NISCH: variants seen among roughly 807,000 people sequenced by gnomAD.
The protein encoded by NISCH is I-1 receptor candidate protein.
In NISCH, 55 loss-of-function variants were observed where a neutral mutation model predicts 138.4. That is an observed-to-expected ratio of 0.40 (90% confidence interval 0.32 to 0.50). The LOEUF (loss-of-function observed/expected upper bound fraction) is 0.50. NISCH is among the 20% of genes least tolerant of loss of function. The pLI is 0.71. For synonymous variants in NISCH, 860 were observed against 861.5 expected (o/e 1.00, Z 0.03); for missense variants, 1,643 against 2,005.5 (o/e 0.82, Z 3.45).
chr3:52,486,924 G>A (rs139352902), intron 15 of NISCH, among the ~76,000 whole-genome samples: 99 of 152,326 alleles, frequency 6.5e-4, no homozygotes, highest in African/African-American at 2.2e-3. Flanking sequence ...GTGGGAACTC[G>A]TGTGGTCTGG....
intron 14 of NISCH, 92 bp from the exon 15 acceptor site, chr3:52,485,686 G>A (rs932713531): frequency 1.5e-5 from 21 of 1,407,954 alleles, no homozygotes; most frequent in Non-Finnish European, 1.8e-5. Context: ...CGGTGATGGA[G>A]GGCAGAATGC....
intron 1 of NISCH, among the ~76,000 whole-genome samples, chr3:52,456,815 G>A (rs1706486477): frequency 1.3e-5 from 2 of 152,236 alleles, no homozygotes. Flanking sequence ...GCTCCATGCT[G>A]CAGAGAGGAG....
chr3:52,465,659 C>T (rs527589636), intron 3 of NISCH, among the ~76,000 whole-genome samples: 1 of 152,292 alleles, frequency 6.6e-6, no homozygotes, highest in East Asian at 1.9e-4. Context: ...AAATGGAATC[C>T]CATCCGGAAT....
At chr3:52,481,694 TG>T in intron 13 of NISCH, 8 of 985,520 alleles carry the variant, frequency 8.1e-6, no homozygotes, top group Non-Finnish European at 9.6e-6. Flanking sequence ...GAGCAGGCCC[TG>T]GATGGGTGGG....
intron 7 of NISCH, among the ~76,000 whole-genome samples, chr3:52,474,652 G>A (rs1478250257): frequency 2.0e-5 from 3 of 150,850 alleles, no homozygotes; most frequent in Admixed American, 6.6e-5. Flanking sequence ...GGCTGATCTC[G>A]AACTCCTGAC....
intron 3 of NISCH, among the ~76,000 whole-genome samples, chr3:52,460,047 G>C (rs190388273): frequency 8.2e-4 from 125 of 151,622 alleles, no homozygotes; most frequent in Middle Eastern, 3.4e-3. Flanking sequence ...TGGGTATGGT[G>C]GCAGATGCCT....
At position 52,490,239 on chromosome 3, in the gene NISCH, C is replaced by G. The variant is rs1336591381; in HGVS notation, c.3613+8C>G. The G allele has an allele frequency of 2.5e-6, 4 of 1,611,342 alleles. No homozygotes were observed. Among genetic ancestry groups the G allele is most frequent in the Non-Finnish European group, 3.4e-6 (4 of 1,179,904 alleles). The stretch of plus-strand genomic sequence containing the variant: ...TCTCAGAGCCACTGCAGGGTAGGCA[C>G]AGGGCCTGCTGGGGCTCAGGAGCTT... On this transcript the variant is annotated splice_region_variant and intron_variant, in intron 18 of 20. Coordinates refer to ENST00000345716, the MANE Select transcript of NISCH (RefSeq NM_007184.4).
intron 20 of NISCH, 137 bp from the exon 21 acceptor site, chr3:52,491,735 C>G: frequency 8.1e-7 from 1 of 1,231,896 alleles, no homozygotes; most frequent in Non-Finnish European, 1.1e-6. Flanking sequence ...GGGCTCCTGG[C>G]CTGTGGGCCC....
At chr3:52,481,104 G>C in intron 13 of NISCH, 1 of 1,301,654 alleles carries the variant, frequency 7.7e-7, no homozygotes, top group Non-Finnish European at 9.7e-7. Flanking sequence ...CCCACCCCTT[G>C]ACCTGGTAAC....
chr3:52,475,041 A>ATGACTTAAGGTTCC (rs748272562), intron 7 of NISCH, among the ~76,000 whole-genome samples: 1 of 152,146 alleles, frequency 6.6e-6, no homozygotes, highest in Non-Finnish European at 1.5e-5. Flanking sequence ...GGCTAATATT[A>ATGACTTAAGGTTCC]TGACTTAAGG....
intron 19 of NISCH, 144 bp from the exon 20 acceptor site, chr3:52,491,208 G>A (rs574032759): frequency 1.0e-5 from 13 of 1,302,254 alleles, no homozygotes; most frequent in Middle Eastern, 2.8e-4. Context: ...GCCTCCTCCC[G>A]GGCCCCATGA....
At chr3:52,458,072 C>T (rs747063851) in intron 2 of NISCH, 146 bp downstream of exon 2, 8 of 588,928 alleles carry the variant, frequency 1.4e-5, no homozygotes, top group Middle Eastern at 3.0e-4. Context: ...TAACTGCGTT[C>T]ATTAATATAG....
chr3:52,484,462 T>TGGGCGCCCCCC, intron 13 of NISCH, 51 bp from the exon 14 acceptor site: 2 of 788,670 alleles, frequency 2.5e-6, no homozygotes, highest in Non-Finnish European at 3.7e-6. Flanking sequence ...ACAGCCGCTC[T>TGGGCGCCCCCC]CCCCGCCCCA....
intron 16 of NISCH, 61 bp downstream of exon 16, chr3:52,488,666 C>T (rs2153231797): frequency 7.3e-7 from 1 of 1,372,392 alleles, no homozygotes; most frequent in South Asian, 1.4e-5. Flanking sequence ...TGTGTGATCT[C>T]AGCATCTGCG....
chr3:52,480,409 CAGGG>C (rs1003513575), intron 13 of NISCH, 114 bp downstream of exon 13: 66 of 1,551,910 alleles, frequency 4.3e-5, no homozygotes, highest in Non-Finnish European at 5.2e-5. Context: ...GGGTCAGACA[CAGGG>C]AGGGCAGTGC....
chr3:52,470,502 T>C (rs1040848932), intron 3 of NISCH: 13 of 275,572 alleles, frequency 4.7e-5, no homozygotes, highest in Admixed American at 2.4e-4. Context: ...CCACACCCTC[T>C]CCTAGGAACA....
chr3:52,485,769 C>A lies in NISCH; in HGVS notation c.1654-9C>A, dbSNP rs1448545926. The A allele has an allele frequency of 1.3e-6, 2 of 1,575,330 alleles. No individual in the cohort carries two copies. Among genetic ancestry groups the A allele is most frequent in the East Asian group, 4.7e-5 (2 of 42,970 alleles). The stretch of plus-strand genomic sequence containing the variant: ...AGGTGGGGACTGACTGTGTTTCTTT[C>A]TCCATCAGGCAGCTTCCGATGATTT... On this transcript the variant is annotated splice_polypyrimidine_tract_variant and intron_variant, in intron 14 of 20. Transcript: ENST00000345716.
chr3:52,468,169 G>A (rs1706839762), intron 3 of NISCH, among the ~76,000 whole-genome samples: 1 of 152,226 alleles, frequency 6.6e-6, no homozygotes, highest in Admixed American at 6.5e-5. Flanking sequence ...TGAGGCAGGA[G>A]AATCACTTGA....
rs745757862 is a variant in NISCH at position 52,457,889 on chromosome 3, A to G, written c.140A>G (p.Lys47Arg). The G allele has an allele frequency of 6.2e-7, 1 of 1,612,288 alleles. No homozygotes were observed. Among genetic ancestry groups the G allele is most frequent in the Non-Finnish European group, 8.5e-7 (1 of 1,178,402 alleles). The change falls in exon 2 of 21, where the codon AAG (lysine) becomes AGG (arginine). Residue 47 changes from lysine (K) to arginine (R), a missense_variant. By Grantham distance (26) the Lys-to-Arg change is conservative. Coordinates refer to ENST00000345716, the MANE Select transcript of NISCH (RefSeq NM_007184.4). Reference protein sequence around the residue: ...VTDGSHEWTVKHRYSDFHDLH... With the variant: ...VTDGSHEWTVRHRYSDFHDLH... Reference sequence around the variant, plus strand: ...GATGGCAGCCATGAGTGGACAGTAAAGCACCGCTACAGCGACTTCCATGAC... The same window carrying G: ...GATGGCAGCCATGAGTGGACAGTAAGGCACCGCTACAGCGACTTCCATGAC...
Sources: allele counts gnomAD v4.1 joint callset (sites outside exome capture counted in the v4.1 genomes callset), GRCh38; gene constraint gnomAD v4.1.1; transcripts MANE v1.5; gene names NCBI Gene and HGNC (gene_info 2026-07-23, HGNC 2026-07-21).